Variants in GPBP1L1 observed in about 807,000 individuals in gnomAD.
GPBP1L1 encodes the protein vasculin-like protein 1.
GPBP1L1 carries 23 observed loss-of-function variants against 52.5 expected under a neutral mutation model. That is an observed-to-expected ratio of 0.44 (90% CI 0.32 to 0.62). GPBP1L1 has a LOEUF of 0.62. Ranked by LOEUF, GPBP1L1 falls within the 20% of genes least tolerant of loss-of-function variation. The pLI, the probability that GPBP1L1 is intolerant of heterozygous loss-of-function variation, is 0.06. For missense variants in GPBP1L1, 596 were observed against 579.3 expected, an observed-to-expected ratio of 1.03 and a Z score of -0.30; for synonymous variants, 243 against 203.1, an observed-to-expected ratio of 1.20 and a Z score of -1.67.
chr1:45,651,444 G>A, intron 6 of GPBP1L1: 1 of 424,744 alleles, frequency 2.4e-6, no homozygotes, highest in Non-Finnish European at 4.3e-6. Context: ...TCTTACTGGG[G>A]ACATCCCCTT....
intron 2 of GPBP1L1, among the ~76,000 whole-genome samples, chr1:45,672,633 T>C (rs1055060184): frequency 6.6e-6 from 1 of 152,130 alleles, no homozygotes; most frequent in African/African-American, 2.4e-5. Context: ...ATACAGACTG[T>C]AGACCAATTT....
rs1007789127 is a variant in GPBP1L1, at chr1:45,660,993, G to A, written c.-865C>T. The A allele has an allele frequency of 1.3e-5, 2 of 152,154 alleles. No individual in the cohort carries two copies. The highest frequency in any genetic ancestry group is 4.8e-5 in the African/African-American group (2 of 41,428). 9.4% of individuals were successfully genotyped at this position (152,154 alleles called of 1,614,324 possible). On this transcript the variant is annotated 5_prime_UTR_variant, in exon 3 of 13. Transcript: ENST00000355105. ...CAGAGCAAAGTTAAAACATTAGAAC[G>A]ATGGGTAGGATGGATATTAAGAAAT...
intron 2 of GPBP1L1, among the ~76,000 whole-genome samples, chr1:45,674,616 G>C (rs906589243): frequency 1.3e-5 from 2 of 152,218 alleles, no homozygotes; most frequent in Non-Finnish European, 2.9e-5. Flanking sequence ...GCCCAGGCTA[G>C]CAATACGCAG....
intron 7 of GPBP1L1, among the ~76,000 whole-genome samples, chr1:45,640,676 T>TGATGGACAG (rs1292038289): frequency 3.3e-5 from 5 of 152,330 alleles, no homozygotes; most frequent in African/African-American, 1.2e-4. Flanking sequence ...ACAATATGTC[T>TGATGGACAG]GATGGACAGT....
Position 45,659,034 on chromosome 1 carries a change from T to C in GPBP1L1, c.54A>G (p.Ser18=), listed in dbSNP as rs546492279. The C allele has an allele frequency of 4.4e-6, 7 of 1,602,072 alleles. No individual in the cohort carries two copies. The African/African-American group carries it at 9.4e-5, about 21-fold the overall frequency. ...CAGGAATGGAGAACAGTACCTTAGC[T>C]GACTGTGGTGTTGAGAAATTTAGCC... ...PAWLNFSTPQ[S]AKSPTATFEK... The change falls in exon 4 of 13, where the codon TCA becomes TCG. Residue 18 remains serine, a synonymous_variant. Coordinates refer to ENST00000355105, the MANE Select transcript of GPBP1L1 (RefSeq NM_021639.5).
intron 2 of GPBP1L1, among the ~76,000 whole-genome samples, chr1:45,682,590 T>C (rs1176011630): frequency 1.3e-5 from 2 of 152,244 alleles, no homozygotes; most frequent in Non-Finnish European, 2.9e-5. Context: ...CTTTGTTTTA[T>C]GGTCATCTAG....
At chr1:45,658,536 T>G (rs534637051) in intron 4 of GPBP1L1, among the ~76,000 whole-genome samples, 94 of 152,296 alleles carry the variant, frequency 6.2e-4, no homozygotes, top group Admixed American at 6.0e-3. Flanking sequence ...AGGTAGACAT[T>G]CATGTGGACT....
chr1:45,672,381 T>C (rs1645084680), intron 2 of GPBP1L1, among the ~76,000 whole-genome samples: 1 of 152,096 alleles, frequency 6.6e-6, no homozygotes, highest in Non-Finnish European at 1.5e-5. Flanking sequence ...TAGGTACCTT[T>C]ATATATATTT....
In GPBP1L1 at chr1:45,683,053, A is replaced by G. The variant is rs1231026826; in HGVS notation, c.-1098+2523T>C. Among the ~76,000 whole-genome samples, 6 of 134,550 alleles carry G rather than the reference A, an allele frequency of 4.5e-5. No homozygotes were observed. The East Asian group carries it at 1.3e-3, about 30-fold the overall frequency. 88.3% of individuals were successfully genotyped at this position (134,550 alleles called of 152,430 possible). ...AAATACACCAAAATTTGCCTTTCCC[A>G]TTAGTTTTTTTTTTTTTAGTTGGAA... is the stretch of plus-strand genomic sequence containing the variant. On this transcript the variant is annotated intron_variant, in intron 2 of 12. Transcript: ENST00000355105.
At chr1:45,676,745 G>A (rs1316943565) in intron 2 of GPBP1L1, among the ~76,000 whole-genome samples, 6 of 151,438 alleles carry the variant, frequency 4.0e-5, no homozygotes, top group Non-Finnish European at 8.8e-5. Flanking sequence ...TAGGCATGGT[G>A]GCACATGCCT....
chr1:45,676,883 C>T (rs2148513686), intron 2 of GPBP1L1, among the ~76,000 whole-genome samples: 1 of 149,710 alleles, frequency 6.7e-6, no homozygotes, highest in Admixed American at 6.6e-5. Context: ...TGTCTCAAAA[C>T]AGCAACAACA....
At chr1:45,682,113 T>A (rs1257740048) in intron 2 of GPBP1L1, among the ~76,000 whole-genome samples, 1 of 152,172 alleles carries the variant, frequency 6.6e-6, no homozygotes, top group South Asian at 2.1e-4. Context: ...CCATACATGG[T>A]AAGACGAATT....
intron 2 of GPBP1L1, among the ~76,000 whole-genome samples, chr1:45,667,552 T>G (rs1159938254): frequency 6.6e-6 from 1 of 152,210 alleles, no homozygotes; most frequent in East Asian, 1.9e-4. Flanking sequence ...TTTACCTAGA[T>G]ACAACACTAC....
intron 2 of GPBP1L1, among the ~76,000 whole-genome samples, chr1:45,680,547 CTT>C (rs763445325): frequency 1.3e-5 from 2 of 149,024 alleles, no homozygotes; most frequent in Non-Finnish European, 3.0e-5. Flanking sequence ...CTGAGACATA[CTT>C]TTTTTTTTTA....
chr1:45,678,598 A>C (rs1645175327), intron 2 of GPBP1L1, among the ~76,000 whole-genome samples: 1 of 152,206 alleles, frequency 6.6e-6, no homozygotes, highest in Non-Finnish European at 1.5e-5. Context: ...AAAAAAGAAC[A>C]AGCTAAATAA....
chr1:45,639,993 G>A (rs965694796), intron 8 of GPBP1L1, among the ~76,000 whole-genome samples: 7 of 151,680 alleles, frequency 4.6e-5, no homozygotes, highest in Non-Finnish European at 8.8e-5. Flanking sequence ...CCATGATTGT[G>A]CCACTGCATT....
chr1:45,687,516 C>T (rs1167172067), upstream of GPBP1L1: 1 of 152,248 alleles, frequency 6.6e-6, no homozygotes, highest in African/African-American at 2.4e-5. Flanking sequence ...CAGTTTTATC[C>T]ATAGACACGG....
chr1:45,628,520 C>T lies in GPBP1L1; in HGVS notation c.1273-112G>A, dbSNP rs186648490. The T allele has an allele frequency of 5.8e-5, 55 of 947,382 alleles. No homozygotes were observed. In the Admixed American group the frequency reaches 7.2e-4, roughly 12 times the overall value. 58.7% of individuals were successfully genotyped at this position (947,382 alleles called of 1,614,324 possible). On this transcript the variant is annotated intron_variant, in intron 12 of 12. Coordinates refer to ENST00000355105, the MANE Select transcript of GPBP1L1 (RefSeq NM_021639.5). ...ATTCAATTCTAGGTAGAATGTGGGGCGGGGGGTGCTTCTAAGAGACCCTCT... is the reference window on the plus strand; with the variant it reads ...ATTCAATTCTAGGTAGAATGTGGGGTGGGGGGTGCTTCTAAGAGACCCTCT...
rs1645092169 is a variant in GPBP1L1 at position 45,672,970 on chromosome 1, A to C, written c.-1097-11745T>G. ...ACTAAAAGTATAGACAACTCTTTTG[A>C]GAAGTGTTGCTGCACAACAGAGAAA... On this transcript the variant is annotated intron_variant, in intron 2 of 12. Coordinates refer to ENST00000355105, the MANE Select transcript of GPBP1L1 (RefSeq NM_021639.5). 2.6e-5 allele frequency among the ~76,000 whole-genome samples: 4 copies of C among 152,346 alleles called. No individual in the cohort carries two copies. In the South Asian group the frequency reaches 8.3e-4, roughly 32 times the overall value.
Sources: allele counts gnomAD v4.1 joint callset (sites outside exome capture counted in the v4.1 genomes callset), GRCh38; gene constraint gnomAD v4.1.1; transcripts MANE v1.5; gene names NCBI Gene and HGNC (gene_info 2026-07-23, HGNC 2026-07-21).